Variants in TCEA3 observed in about 807,000 individuals in gnomAD.
TCEA3 encodes the protein transcription elongation factor A protein 3.
Under a neutral mutation model 44.0 loss-of-function variants are expected in TCEA3, and 36 were observed. The observed-to-expected ratio is 0.82, with a 90% CI of 0.63 to 1.08. The LOEUF is 1.08. Ranked by LOEUF, TCEA3 falls within the 50% of genes least tolerant of loss-of-function variation. The pLI, the probability that TCEA3 is intolerant of heterozygous loss-of-function variation, is 0.00. For synonymous variants in TCEA3, 162 were observed against 159.7 expected (o/e 1.01, Z -0.11); for missense variants, 392 against 441.2 (o/e 0.89, Z 1.00).
intron 3 of TCEA3, among the ~76,000 whole-genome samples, chr1:23,417,676 A>T (rs3795295): frequency 6.6e-6 from 1 of 152,176 alleles, no homozygotes; most frequent in Non-Finnish European, 1.5e-5. Context: ...ATGAGAGCAC[A>T]AACACGTAAG....
At chr1:23,401,443 A>C (rs1462712491) in intron 5 of TCEA3, among the ~76,000 whole-genome samples, 1 of 152,152 alleles carries the variant, frequency 6.6e-6, no homozygotes, top group East Asian at 1.9e-4. Flanking sequence ...GTTGCCTGGC[A>C]GCATGGTGGA....
In TCEA3 at chr1:23,417,295, C is replaced by T. The variant is rs760602184; in HGVS notation, c.334G>A (p.Ala112Thr). Reference sequence around the variant, plus strand: ...TTTTTCCTTGGTGGAGAAAGGCCTGCTTCTGGCTTCCAGTCTGAACACTCA... The same window carrying T: ...TTTTTCCTTGGTGGAGAAAGGCCTGTTTCTGGCTTCCAGTCTGAACACTCA... Reference protein sequence around the residue: ...GLECSDWKPEAGLSPPRKKRE... With the variant: ...GLECSDWKPETGLSPPRKKRE... Residue 112 changes from alanine to threonine, a missense_variant, in exon 4 of 11, where the codon GCA (alanine) becomes ACA (threonine). Transcript: ENST00000450454. 3.4e-5 allele frequency: 55 copies of T among 1,613,936 alleles called. No individual in the cohort carries two copies. The highest frequency in any genetic ancestry group is 5.0e-5 in the Admixed American group (3 of 60,004).
chr1:23,416,771 T>C lies in TCEA3; in HGVS notation c.380+478A>G, dbSNP rs138744378. On this transcript the variant is annotated intron_variant, in intron 4 of 10. Transcript: ENST00000450454. ...CCTCCCAAAGTGCTGGGATTACATGTGTGAGCCACTGCGCCAGGTGCAATG... is the reference window on the plus strand; with the variant it reads ...CCTCCCAAAGTGCTGGGATTACATGCGTGAGCCACTGCGCCAGGTGCAATG... 3.1e-4 allele frequency among the ~76,000 whole-genome samples: 47 copies of C among 152,318 alleles called. No homozygotes were observed. In the East Asian group the frequency reaches 8.7e-3, roughly 28 times the overall value.
In TCEA3 at chr1:23,393,956, G is replaced by C; in HGVS notation, c.742C>G (p.Pro248Ala). ...VRSRISNLKD[P>A]RNPGLRRNVL... is the part of the protein sequence containing the mutation. ...TTCCGCCGCAGGCCGGGGTTCCTGG[G>C]GTCCTTGAGGTTGCTTATGCGGCTG... is the stretch of plus-strand genomic sequence containing the variant. Residue 248 changes from proline to alanine, a missense_variant, in exon 8 of 11, where the codon CCC becomes GCC. Physicochemically the swap from Pro to Ala is conservative, Grantham distance 27. Transcript: ENST00000450454. 8 of 1,614,002 alleles carry C rather than the reference G, an allele frequency of 5.0e-6. No individual in the cohort carries two copies. The highest frequency in any genetic ancestry group is 6.8e-6 in the Non-Finnish European group (8 of 1,179,908).
At chr1:23,384,660 C>T (rs556490015) in intron 9 of TCEA3, among the ~76,000 whole-genome samples, 4 of 142,928 alleles carry the variant, frequency 2.8e-5, no homozygotes, top group East Asian at 2.0e-4. Context: ...TTTGCACTTC[C>T]GCTTTTTTTT....
chr1:23,409,753 T>C (rs1639659230), intron 4 of TCEA3, among the ~76,000 whole-genome samples: 1 of 152,078 alleles, frequency 6.6e-6, no homozygotes, highest in Non-Finnish European at 1.5e-5. Context: ...TTCACCATGT[T>C]GGCCAGGCTG....
chr1:23,400,343 C>T, intron 5 of TCEA3, among the ~76,000 whole-genome samples: 1 of 149,274 alleles, frequency 6.7e-6, no homozygotes, highest in African/African-American at 2.5e-5. Flanking sequence ...GTAGCTAGGA[C>T]TGACTACAGG....
intron 2 of TCEA3, 89 bp from the exon 3 acceptor site, chr1:23,418,098 C>CA: frequency 7.7e-7 from 1 of 1,306,926 alleles, no homozygotes; most frequent in Non-Finnish European, 1.1e-6. Context: ...AGCTCTACCA[C>CA]CACCTCCCCT....
At chr1:23,415,119 T>G (rs945213929) in intron 4 of TCEA3, among the ~76,000 whole-genome samples, 13 of 149,468 alleles carry the variant, frequency 8.7e-5, no homozygotes, top group African/African-American at 2.7e-4. Flanking sequence ...TGCTCCCGGG[T>G]TCAAGTGATT....
At chr1:23,398,678 A>G (rs1279633764) in intron 5 of TCEA3, among the ~76,000 whole-genome samples, 1 of 152,236 alleles carries the variant, frequency 6.6e-6, no homozygotes, top group East Asian at 1.9e-4. Context: ...AGAGAGGTAC[A>G]CCACTGAGAT....
chr1:23,381,560 T>C, intron 10 of TCEA3, 86 bp from the exon 11 acceptor site: 1 of 777,134 alleles, frequency 1.3e-6, no homozygotes. Context: ...AAGAAGGTGG[T>C]GTCTGGAGCC....
Position 23,397,527 on chromosome 1 carries a change from G to A in TCEA3, c.664+18C>T, listed in dbSNP as rs377142555. On this transcript the variant is annotated intron_variant, in intron 7 of 10. Coordinates refer to ENST00000450454, the MANE Select transcript of TCEA3 (RefSeq NM_003196.3). The stretch of plus-strand genomic sequence containing the variant: ...AGACGGTGCAGACACCCACAGCCCC[G>A]GCACAGTTCAAGGATATGATCTTCG... The A allele has an allele frequency of 2.1e-5, 34 of 1,612,440 alleles. No homozygotes were observed. Among genetic ancestry groups the A allele is most frequent in the South Asian group, 8.8e-5 (8 of 90,934 alleles).
At chr1:23,383,387 T>G in intron 10 of TCEA3, 3 of 938,416 alleles carry the variant, frequency 3.2e-6, no homozygotes, top group Non-Finnish European at 3.8e-6. Flanking sequence ...GTATTTCAAT[T>G]TCCTTGTCTG....
chr1:23,413,986 G>GTGTA (rs1553168868), intron 4 of TCEA3, among the ~76,000 whole-genome samples: 18 of 141,030 alleles, frequency 1.3e-4, no homozygotes, highest in Middle Eastern at 3.8e-3. Context: ...CTAGCAGGAT[G>GTGTA]TATATATATA....
intron 8 of TCEA3, among the ~76,000 whole-genome samples, 188 bp from the exon 9 acceptor site, chr1:23,387,607 C>T (rs1208117226): frequency 3.9e-5 from 6 of 152,224 alleles, no homozygotes; most frequent in Admixed American, 2.0e-4. Context: ...GTCCTCCTGC[C>T]GCCCACGGCT....
intron 8 of TCEA3, among the ~76,000 whole-genome samples, chr1:23,387,727 A>ACCTTGG (rs1162092722): frequency 5.3e-5 from 8 of 152,210 alleles, no homozygotes; most frequent in East Asian, 3.9e-4. Flanking sequence ...GCCTGCCAGG[A>ACCTTGG]CCTTGGCCTT....
intron 1 of TCEA3, among the ~76,000 whole-genome samples, chr1:23,423,342 G>C (rs1404484644): frequency 6.6e-6 from 1 of 152,198 alleles, no homozygotes; most frequent in Non-Finnish European, 1.5e-5. Context: ...TGCCAGCAGA[G>C]ACAAGAATCC....
chr1:23,413,988 A>G (rs181768907), intron 4 of TCEA3, among the ~76,000 whole-genome samples: 5,252 of 126,326 alleles, frequency 0.042, 131 homozygotes, highest in Middle Eastern at 0.13. Flanking sequence ...AGCAGGATGT[A>G]TATATATATA....
chr1:23,421,203 A>G (rs1640055475), intron 1 of TCEA3, among the ~76,000 whole-genome samples: 1 of 152,174 alleles, frequency 6.6e-6, no homozygotes. Context: ...GTATTATCTC[A>G]TTTAACATTC....
Sources: allele counts gnomAD v4.1 joint callset (sites outside exome capture counted in the v4.1 genomes callset), GRCh38; gene constraint gnomAD v4.1.1; transcripts MANE v1.5; gene names NCBI Gene and HGNC (gene_info 2026-07-23, HGNC 2026-07-21).